SLC25A43: variants seen among roughly 807,000 people sequenced by gnomAD.
SLC25A43 encodes solute carrier family 25 member 43, also known as solute carrier family 25, member 43.
A neutral mutation model predicts 22.8 loss-of-function variants in SLC25A43; 10 were observed. The observed-to-expected ratio is 0.44, with a 90% confidence interval of 0.27 to 0.74. The LOEUF (loss-of-function observed/expected upper bound fraction) is 0.74. Ranked by LOEUF, SLC25A43 falls within the 30% of genes least tolerant of loss-of-function variation. SLC25A43 has a pLI of 0.17. For missense variants in SLC25A43, 233 were observed against 279.1 expected (o/e 0.83, Z 1.18); for synonymous variants, 106 against 121.6 (o/e 0.87, Z 0.84).
chrX:119,426,338 C>T (rs1470990881), intron 3 of SLC25A43: 1 of 566,921 alleles, frequency 1.8e-6, no homozygotes, highest in African/African-American at 2.5e-5. Flanking sequence ...GCCTCATCTT[C>T]CTCATCTGTT....
At chrX:119,444,619 C>T (rs1317850324) in intron 3 of SLC25A43, among the ~76,000 whole-genome samples, 1 of 108,769 alleles carries the variant, frequency 9.2e-6, no homozygotes, top group Non-Finnish European at 1.9e-5. Context: ...AGGAGAATCA[C>T]TTGAACCCAG....
chrX:119,431,951 C>T (rs761095142), intron 3 of SLC25A43, among the ~76,000 whole-genome samples: 1 of 109,988 alleles, frequency 9.1e-6, no homozygotes, highest in South Asian at 3.9e-4. Flanking sequence ...GTTAGGAGTT[C>T]GAGACCAGCC....
chrX:119,447,997 G>A (rs780595536), intron 3 of SLC25A43, among the ~76,000 whole-genome samples: 1 of 111,219 alleles, frequency 9.0e-6, no homozygotes, highest in African/African-American at 3.3e-5. Context: ...AACTCCTGAT[G>A]TTTTCACCCA....
At chrX:119,404,730 G>A (rs979025809) in intron 1 of SLC25A43, among the ~76,000 whole-genome samples, 3 of 111,366 alleles carry the variant, frequency 2.7e-5, no homozygotes, top group Non-Finnish European at 5.7e-5. Flanking sequence ...GGGCAGAGGT[G>A]TCCAATCTTT....
In SLC25A43 at chrX:119,452,083, G is replaced by C. The variant is rs1191320724; in HGVS notation, c.765G>C (p.Gln255His). 6 of 1,208,428 alleles carry C rather than the reference G, an allele frequency of 5.0e-6. No individual in the cohort carries two copies. The highest frequency in any genetic ancestry group is 6.7e-6 in the Non-Finnish European group (6 of 894,580). ...HFSGAVDCFR[Q>H]IVKAQGVLGL... is the part of the protein sequence containing the mutation. ...CAGGAGCAGTGGACTGCTTCCGGCA[G>C]ATAGTGAAGGCCCAGGGGGTCCTGG... The change falls in exon 4 of 5, where the codon CAG (glutamine) becomes CAC (histidine). Residue 255 changes from glutamine to histidine, a missense_variant. Coordinates refer to ENST00000217909, the MANE Select transcript of SLC25A43 (RefSeq NM_145305.3).
chrX:119,430,336 T>A (rs966163481), intron 3 of SLC25A43, among the ~76,000 whole-genome samples: 4 of 112,821 alleles, frequency 3.5e-5, no homozygotes, highest in Admixed American at 9.4e-5. Flanking sequence ...ATGTATTAAA[T>A]CATTTCATTT....
At chrX:119,401,373 T>C (rs920864878) in intron 1 of SLC25A43, among the ~76,000 whole-genome samples, 13 of 111,631 alleles carry the variant, frequency 1.2e-4, no homozygotes, top group Admixed American at 1.1e-3. Flanking sequence ...TACAGAGTAA[T>C]AGAAGAGTAA....
chrX:119,402,682 G>C (rs1256511526), intron 1 of SLC25A43, among the ~76,000 whole-genome samples: 2 of 111,572 alleles, frequency 1.8e-5, no homozygotes, highest in Non-Finnish European at 3.8e-5. Flanking sequence ...ATTCACCAGT[G>C]TATCCAGTCT....
At chrX:119,402,006 A>C (rs2052242611) in intron 1 of SLC25A43, among the ~76,000 whole-genome samples, 2 of 111,735 alleles carry the variant, frequency 1.8e-5, no homozygotes, top group African/African-American at 6.5e-5. Flanking sequence ...CTGAAAACTA[A>C]AAGGAAGTAT....
chrX:119,452,810 C>T, intron 4 of SLC25A43, 55 bp from the exon 5 acceptor site: 1 of 992,353 alleles, frequency 1.0e-6, no homozygotes, highest in East Asian at 3.0e-5. Flanking sequence ...ACTGCAGACA[C>T]ATTGATGTTT....
chrX:119,443,921 A>T, intron 3 of SLC25A43, among the ~76,000 whole-genome samples: 1 of 106,013 alleles, frequency 9.4e-6, no homozygotes, highest in East Asian at 3.0e-4. Flanking sequence ...TGCCCGGCTA[A>T]TTTTTTTTTC....
chrX:119,453,543 T>C lies in SLC25A43; in HGVS notation c.*478T>C. ...TTTCCAATACAATCTGTTGTTTTGT[T>C]TTGTTTTTAGAGACAGGGTCTTGCT... On this transcript the variant is annotated 3_prime_UTR_variant, in exon 5 of 5. Transcript: ENST00000217909. 7.9e-6 allele frequency: 1 copy of C among 127,170 alleles called. No homozygotes were observed. Among genetic ancestry groups the C allele is most frequent in the Non-Finnish European group, 1.6e-5 (1 of 62,274 alleles). 10.5% of individuals were successfully genotyped at this position (127,170 alleles called of 1,213,427 possible).
chrX:119,412,148 A>G (rs2052355349), intron 3 of SLC25A43, among the ~76,000 whole-genome samples: 1 of 111,212 alleles, frequency 9.0e-6, no homozygotes, highest in Non-Finnish European at 1.9e-5. Flanking sequence ...TTACCTCAGC[A>G]CTAAACAGCC....
Position 119,453,082 on chromosome X carries a change from A to T in SLC25A43, c.*17A>T. ...ACTCTATAAAATGGAATGGAACTAG[A>T]AGTGCACTGACTGACAGCATGTTGC... is the stretch of plus-strand genomic sequence containing the variant. On this transcript the variant is annotated 3_prime_UTR_variant, in exon 5 of 5. Coordinates refer to ENST00000217909, the MANE Select transcript of SLC25A43 (RefSeq NM_145305.3). The T allele has an allele frequency of 8.7e-7, 1 of 1,153,578 alleles. No homozygotes were observed. The highest frequency in any genetic ancestry group is 3.0e-5 in the East Asian group (1 of 33,665).
At chrX:119,414,395 T>A (rs1230593086) in intron 3 of SLC25A43, among the ~76,000 whole-genome samples, 1 of 111,783 alleles carries the variant, frequency 8.9e-6, no homozygotes, top group East Asian at 2.8e-4. Flanking sequence ...GGTGGGTTTT[T>A]GTTTTGTTTT....
In SLC25A43 at chrX:119,399,621, C is replaced by A; in HGVS notation, c.218C>A (p.Ala73Glu). 9.8e-7 allele frequency: 1 copy of A among 1,017,798 alleles called. No individual in the cohort carries two copies. Among genetic ancestry groups the A allele is most frequent in the Non-Finnish European group, 1.2e-6 (1 of 802,783 alleles). The allele number at this position is 1,017,798 out of a possible 1,213,427, so 83.9% of individuals were successfully genotyped here. Reference protein sequence around the residue: ...EGLRALWKGNAVACLRLFPCS... With the variant: ...EGLRALWKGNEVACLRLFPCS... Reference sequence around the variant, plus strand: ...CTCCGGGCCCTGTGGAAGGGGAACGCGGTGGCGTGCCTGCGCCTCTTCCCC... The same window carrying A: ...CTCCGGGCCCTGTGGAAGGGGAACGAGGTGGCGTGCCTGCGCCTCTTCCCC... The change falls in exon 1 of 5, where the codon GCG becomes GAG. Residue 73 changes from alanine (A) to glutamate (E), a missense_variant. Coordinates refer to ENST00000217909, the MANE Select transcript of SLC25A43 (RefSeq NM_145305.3).
chrX:119,403,505 G>A (rs2052256892), intron 1 of SLC25A43, among the ~76,000 whole-genome samples: 1 of 111,423 alleles, frequency 9.0e-6, no homozygotes, highest in South Asian at 3.8e-4. Context: ...GACCAGGCTG[G>A]TCTCGAATTC....
intron 3 of SLC25A43, among the ~76,000 whole-genome samples, chrX:119,418,029 A>C (rs906479112): frequency 9.0e-6 from 1 of 110,948 alleles, no homozygotes; most frequent in Non-Finnish European, 1.9e-5. Flanking sequence ...TTCTCTGGCC[A>C]TTAGATGTCA....
In SLC25A43 at chrX:119,453,160, C is replaced by A; in HGVS notation, c.*95C>A. ...TGTGCACCTGAGGAGGGATGAGAAG[C>A]TACTGCTATCTGCTGCTCTGGGAAA... On this transcript the variant is annotated 3_prime_UTR_variant, in exon 5 of 5. Transcript: ENST00000217909. 1 of 733,654 alleles carries A rather than the reference C, an allele frequency of 1.4e-6. No homozygotes were observed. Among genetic ancestry groups the A allele is most frequent in the Non-Finnish European group, 2.1e-6 (1 of 485,607 alleles). The allele number at this position is 733,654 out of a possible 1,213,427, so 60.5% of individuals were successfully genotyped here.
Sources: gnomAD v4.1 joint callset for allele counts (sites outside exome capture counted in the v4.1 genomes callset) on GRCh38, gnomAD v4.1.1 for gene constraint, MANE v1.5 for transcripts, NCBI Gene and HGNC (gene_info 2026-07-23, HGNC 2026-07-21) for gene names.